The following MEIOSIN variants were observed in gnomAD, a reference collection of about 807,000 sequenced individuals.
MEIOSIN encodes meiosis initiator, also known as meiosis initiator protein.
Under a neutral mutation model 23.4 loss-of-function variants are expected in MEIOSIN, and 18 were observed. The ratio of observed to expected loss-of-function variants is 0.77; its 90% CI spans 0.53 to 1.14. The LOEUF (loss-of-function observed/expected upper bound fraction) is 1.14, where lower values mean the gene tolerates loss of function less well. Among genes scored for constraint, MEIOSIN ranks in the 50% most tolerant of loss-of-function variants. The pLI is 0.00. For missense variants in MEIOSIN, 428 were observed against 242.9 expected, an observed-to-expected ratio of 1.76 and a Z score of -5.07; for synonymous variants, 187 against 100.6, an observed-to-expected ratio of 1.86 and a Z score of -5.14.
chr19:45,747,761 A>C (rs1007663886), intron 4 of MEIOSIN, among the ~76,000 whole-genome samples: 1 of 152,192 alleles, frequency 6.6e-6, no homozygotes, highest in Non-Finnish European at 1.5e-5. Context: ...GCCCACAGGC[A>C]CAGAGTTGAG....
intron 5 of MEIOSIN, among the ~76,000 whole-genome samples, chr19:45,751,667 C>T (rs1268552521): frequency 6.6e-6 from 1 of 151,162 alleles, no homozygotes; most frequent in Non-Finnish European, 1.5e-5. Context: ...GTAACAGCGA[C>T]AGCACCCAGC....
intron 11 of MEIOSIN, among the ~76,000 whole-genome samples, chr19:45,761,155 C>A (rs1432931956): frequency 6.7e-6 from 1 of 148,500 alleles, no homozygotes; most frequent in Non-Finnish European, 1.5e-5. Context: ...GACAGAGTCT[C>A]ACTCTGTCAC....
Position 45,762,903 on chromosome 19 carries a change from G to A in MEIOSIN, c.1680-435G>A, listed in dbSNP as rs368340023. ...GCTGGCTTCATTCTCTGGCAGGTGGGGTCACCCCAGGAGGCACAGGCTCGG... is the reference window on the plus strand; with the variant it reads ...GCTGGCTTCATTCTCTGGCAGGTGGAGTCACCCCAGGAGGCACAGGCTCGG... On this transcript the variant is annotated intron_variant, in intron 13 of 14. Transcript: ENST00000457052. Among the ~76,000 whole-genome samples the A allele has an allele frequency of 1.2e-4, 18 of 152,318 alleles. No homozygotes were observed. The East Asian group carries it at 3.5e-3, about 29-fold the overall frequency.
At chr19:45,735,719 C>T (rs1968398328) in intron 2 of MEIOSIN, among the ~76,000 whole-genome samples, 2 of 152,056 alleles carry the variant, frequency 1.3e-5, no homozygotes, top group Non-Finnish European at 1.5e-5. Context: ...TCCTGTTGCC[C>T]AGGCTGGAGT....
intron 13 of MEIOSIN, 94 bp downstream of exon 13, chr19:45,762,277 T>C (rs1193913099): frequency 2.3e-5 from 9 of 398,898 alleles, no homozygotes; most frequent in Middle Eastern, 6.2e-4. Flanking sequence ...TGTCTGACAC[T>C]TTTTCCCCCT....
In MEIOSIN at chr19:45,750,740, G is replaced by C. The variant is rs1220794084; in HGVS notation, c.372G>C (p.Lys124Asn). The C allele has an allele frequency of 4.6e-6, 3 of 647,808 alleles. No individual in the cohort carries two copies. The African/African-American group carries it at 5.5e-5, about 12-fold the overall frequency. The allele number at this position is 647,808 out of a possible 1,614,324, so 40.1% of individuals were successfully genotyped here. A position where few individuals can be genotyped will look rare whatever the true frequency, so the allele number is the denominator to read the frequency against. The change falls in exon 5 of 15, where the codon AAG becomes AAC. Residue 124 changes from lysine (K) to asparagine (N), a missense_variant. Physicochemically the swap from Lys to Asn is moderately conservative, Grantham distance 94. Coordinates refer to ENST00000457052, the MANE Select transcript of MEIOSIN (RefSeq NM_001310124.2). ...QYLQRNIDAA[K>N]ALFKCHITTG... ...TCCAGAGAAACATCGATGCCGCCAAGGCCTTGTTCAAATGCCACATCACCA... is the reference window on the plus strand; with the variant it reads ...TCCAGAGAAACATCGATGCCGCCAACGCCTTGTTCAAATGCCACATCACCA...
At chr19:45,734,496 GGGAGGGCTCCTTT>G (rs1968376938) in intron 1 of MEIOSIN, among the ~76,000 whole-genome samples, 1 of 151,936 alleles carries the variant, frequency 6.6e-6, no homozygotes, top group Non-Finnish European at 1.5e-5. Context: ...TTGTAGGTTT[GGGAGGGCTCCTTT>G]TTTTTTGTTT....
chr19:45,747,619 G>C (rs186745807), intron 4 of MEIOSIN, among the ~76,000 whole-genome samples: 1 of 152,176 alleles, frequency 6.6e-6, no homozygotes. Context: ...AGCGTTCCAG[G>C]TGTCAGACCT....
At chr19:45,744,315 C>T (rs887323926) in intron 3 of MEIOSIN, among the ~76,000 whole-genome samples, 4 of 152,004 alleles carry the variant, frequency 2.6e-5, no homozygotes, top group Non-Finnish European at 5.9e-5. Context: ...CCACCATGCC[C>T]GGCCTCCTTT....
At chr19:45,739,990 G>C (rs1298325177) in intron 3 of MEIOSIN, among the ~76,000 whole-genome samples, 1 of 152,048 alleles carries the variant, frequency 6.6e-6, no homozygotes, top group African/African-American at 2.4e-5. Flanking sequence ...TGGGATTACA[G>C]GCACGTGCCA....
At chr19:45,754,814 G>GTACT in intron 7 of MEIOSIN, 90 bp downstream of exon 7, 1 of 664,846 alleles carries the variant, frequency 1.5e-6, no homozygotes, top group Non-Finnish European at 2.7e-6. Flanking sequence ...TACCCGTAGT[G>GTACT]GGGGCTGCAG....
At chr19:45,760,465 G>A (rs941317050) in intron 11 of MEIOSIN, among the ~76,000 whole-genome samples, 1 of 152,018 alleles carries the variant, frequency 6.6e-6, no homozygotes, top group Non-Finnish European at 1.5e-5. Context: ...AATTAGCCGG[G>A]TGTGGTGGTA....
chr19:45,752,938 T>TC (rs1204386470), intron 5 of MEIOSIN, among the ~76,000 whole-genome samples: 29 of 149,850 alleles, frequency 1.9e-4, no homozygotes, highest in Non-Finnish European at 3.6e-4. Context: ...TTTTTTTTTT[T>TC]CTGAGGCGGA....
chr19:45,739,807 TA>T (rs1968469908), intron 3 of MEIOSIN, 77 bp downstream of exon 3: 1 of 695,722 alleles, frequency 1.4e-6, no homozygotes, highest in African/African-American at 1.8e-5. Flanking sequence ...CTCTTACCCC[TA>T]AAATCATTCT....
intron 11 of MEIOSIN, among the ~76,000 whole-genome samples, 152 bp downstream of exon 11, chr19:45,759,642 C>T (rs2146198702): frequency 6.6e-6 from 1 of 152,276 alleles, no homozygotes; most frequent in East Asian, 1.9e-4. Context: ...ATCCTTAAAA[C>T]CGCCCCCCGA....
chr19:45,752,454 A>G (rs1435375398), intron 5 of MEIOSIN, among the ~76,000 whole-genome samples: 3 of 152,042 alleles, frequency 2.0e-5, no homozygotes, highest in Non-Finnish European at 2.9e-5. Context: ...TGATCCACCC[A>G]TCTCAGCCTC....
At chr19:45,754,338 T>G (rs1968772993) in intron 6 of MEIOSIN, 141 bp from the exon 7 acceptor site, 1 of 600,316 alleles carries the variant, frequency 1.7e-6, no homozygotes, top group Non-Finnish European at 3.0e-6. Context: ...CAAAGAGGCC[T>G]GTGATTGAGG....
chr19:45,750,889 G>A (rs1968690919), intron 5 of MEIOSIN, 103 bp downstream of exon 5: 2 of 427,444 alleles, frequency 4.7e-6, no homozygotes, highest in African/African-American at 2.1e-5. Context: ...TGGTATAGGG[G>A]ACAAAGAGAG....
At chr19:45,747,116 C>T (rs552508573) in intron 4 of MEIOSIN, among the ~76,000 whole-genome samples, 13 of 152,250 alleles carry the variant, frequency 8.5e-5, no homozygotes, top group African/African-American at 1.9e-4. Context: ...CATAAATGAC[C>T]GGATGGCCAC....
Sources: gnomAD v4.1 joint callset for allele counts (sites outside exome capture counted in the v4.1 genomes callset) on GRCh38, gnomAD v4.1.1 for gene constraint, MANE v1.5 for transcripts, NCBI Gene and HGNC (gene_info 2026-07-23, HGNC 2026-07-21) for gene names.